Variants in ZNF132 observed in about 807,000 individuals in gnomAD.
The protein encoded by ZNF132 is zinc finger protein 132.
A neutral mutation model predicts 9.3 loss-of-function variants in ZNF132; 6 were observed. That is an observed-to-expected ratio of 0.65 (90% CI 0.35 to 1.28). ZNF132 has a LOEUF of 1.28. Among genes scored for constraint, ZNF132 ranks in the 50% most tolerant of loss-of-function variants. The probability of loss-of-function intolerance (pLI) is 0.03; values close to 1 mark genes in which losing one functional copy is unlikely to be tolerated. For missense variants in ZNF132, 877 were observed against 843.2 expected (o/e 1.04, Z -0.50); for synonymous variants, 296 against 292.0 (o/e 1.01, Z -0.14).
rs956290082 is a variant in ZNF132, at chr19:58,434,561, C to G, written c.883G>C (p.Glu295Gln). 2 of 1,613,988 alleles carry G rather than the reference C, an allele frequency of 1.2e-6. No homozygotes were observed. The highest frequency in any genetic ancestry group is 8.5e-7 in the Non-Finnish European group (1 of 1,179,976). The change falls in exon 3 of 3, where the codon GAG becomes CAG. Residue 295 changes from glutamate (E) to glutamine (Q), a missense_variant. Physicochemically the swap from Glu to Gln is conservative, Grantham distance 29. Coordinates refer to ENST00000254166, the MANE Select transcript of ZNF132 (RefSeq NM_003433.4). ...GAGTGACTAAAGGCCTTCCCACACT[C>G]CTTACACACATGGGGTATTTCCCCA... is the stretch of plus-strand genomic sequence containing the variant. ...HTGEIPHVCK[E>Q]CGKAFSHSSK...
At position 58,437,093 on chromosome 19, in the gene ZNF132, C is replaced by T. The variant is rs770228284; in HGVS notation, c.186G>A (p.Leu62=). The change falls in exon 2 of 3, where the codon CTG becomes CTA. Residue 62 remains leucine (L), a synonymous_variant. Coordinates refer to ENST00000254166, the MANE Select transcript of ZNF132 (RefSeq NM_003433.4). ...GGTTTTCCAGCATCACACTGTGGTACAGGTGCCTCTGGGCTGCATCAAGGA... is the reference window on the plus strand; with the variant it reads ...GGTTTTCCAGCATCACACTGTGGTATAGGTGCCTCTGGGCTGCATCAAGGA... ...WELLDAAQRH[L]YHSVMLENLE... 2.5e-6 allele frequency: 4 copies of T among 1,614,138 alleles called. No individual in the cohort carries two copies. The highest frequency in any genetic ancestry group is 1.7e-5 in the Admixed American group (1 of 60,014).
chr19:58,439,925 A>T lies in ZNF132; in HGVS notation c.-104T>A. On this transcript the variant is annotated 5_prime_UTR_variant, in exon 1 of 3. An upstream open reading frame in the 5' UTR gains an earlier in-frame stop. Transcript: ENST00000254166. ...GTCTTCCCAAATGCAAAATGCGCGC[A>T]AGGCCTCTGGGCACCGCAGGGACGA... 1.6e-6 allele frequency: 2 copies of T among 1,246,894 alleles called. No homozygotes were observed. Among genetic ancestry groups the T allele is most frequent in the South Asian group, 2.8e-5 (2 of 71,558 alleles). The allele number at this position is 1,246,894 out of a possible 1,614,324, so 77.2% of individuals were successfully genotyped here.
intron 1 of ZNF132, 96 bp from the exon 2 acceptor site, chr19:58,437,311 C>G (rs1417709559): frequency 5.8e-6 from 8 of 1,371,256 alleles, no homozygotes; most frequent in Non-Finnish European, 7.8e-6. Flanking sequence ...ATCTCTTTTT[C>G]TTATGATCCT....
chr19:58,434,387 C>T lies in ZNF132; in HGVS notation c.1057G>A (p.Gly353Arg). 1.2e-6 allele frequency: 2 copies of T among 1,614,250 alleles called. No individual in the cohort carries two copies. The highest frequency in any genetic ancestry group is 1.7e-6 in the Non-Finnish European group (2 of 1,180,050). ...TGTGATCTGTTACTGAAGGCTTTCC[C>T]ACATTCATCACACTCATAAGGTCTT... ...GERPYECDEC[G>R]KAFSNRSHLI... The change falls in exon 3 of 3, where the codon GGG becomes AGG. Residue 353 changes from glycine (G) to arginine (R), a missense_variant. By Grantham distance (125) the Gly-to-Arg change is moderately radical. Coordinates refer to ENST00000254166, the MANE Select transcript of ZNF132 (RefSeq NM_003433.4).
chr19:58,439,856 C>T lies in ZNF132; in HGVS notation c.-35G>A, dbSNP rs1292090063. 19 of 1,531,682 alleles carry T rather than the reference C, an allele frequency of 1.2e-5. No homozygotes were observed. Among genetic ancestry groups the T allele is most frequent in the Admixed American group, 4.2e-5 (2 of 47,312 alleles). The allele number at this position is 1,531,682 out of a possible 1,614,324, so 94.9% of individuals were successfully genotyped here. ...CCCAGGGCTAGCCCTGCCGCTGGGC[C>T]GAACCCTCACACTTCCGCTGGGTGA... On this transcript the variant is annotated 5_prime_UTR_variant, in exon 1 of 3. Transcript: ENST00000254166.
In ZNF132 at chr19:58,432,993, AC is replaced by A; in HGVS notation, c.*329del. On this transcript the variant is annotated 3_prime_UTR_variant, in exon 3 of 3. Coordinates refer to ENST00000254166, the MANE Select transcript of ZNF132 (RefSeq NM_003433.4). ...ATTAGATTTCCCTCAAGGCCCCTCAACCAGCATCGGTTCAGCTGAGCACAGT... is the reference window on the plus strand; with the variant it reads ...ATTAGATTTCCCTCAAGGCCCCTCAACAGCATCGGTTCAGCTGAGCACAGT... The A allele has an allele frequency of 6.2e-6, 2 of 321,498 alleles. No individual in the cohort carries two copies. The highest frequency in any genetic ancestry group is 1.1e-5 in the Non-Finnish European group (2 of 176,826). The allele number at this position is 321,498 out of a possible 1,614,324, so 19.9% of individuals were successfully genotyped here.
rs760026163 is a variant in ZNF132 at position 58,433,444 on chromosome 19, C to G, written c.2000G>C (p.Arg667Thr). 9.3e-6 allele frequency: 15 copies of G among 1,613,108 alleles called. 1 individual carries two copies. The highest frequency in any genetic ancestry group is 8.9e-5 in the East Asian group (4 of 44,846). Residue 667 changes from arginine to threonine, a missense_variant, in exon 3 of 3, where the codon AGA (arginine) becomes ACA (threonine). Coordinates refer to ENST00000254166, the MANE Select transcript of ZNF132 (RefSeq NM_003433.4). ...TTTCTGGTGCCGAACAAGTGTAGAT[C>G]TTTCACTAAAGGCTTTTCCACACTG... Reference protein sequence around the residue: ...CIQCGKAFSERSTLVRHQKVH... With the variant: ...CIQCGKAFSETSTLVRHQKVH...
At position 58,435,134 on chromosome 19, in the gene ZNF132, G is replaced by A. The variant is rs1311258846; in HGVS notation, c.310C>T (p.Pro104Ser). The change falls in exon 3 of 3, where the codon CCT becomes TCT. Residue 104 changes from proline to serine, a missense_variant. Pro to Ser is a moderately conservative substitution (Grantham distance 74). Coordinates refer to ENST00000254166, the MANE Select transcript of ZNF132 (RefSeq NM_003433.4). ...TTCTTGGTGGAAGGATCTGCATTAG[G>A]GATCCTGACCTGTAACACTTCTACA... ...VSVEVLQVRIPNADPSTKKAN... is the reference protein window; with the variant it reads ...VSVEVLQVRISNADPSTKKAN... 1 of 1,614,136 alleles carries A rather than the reference G, an allele frequency of 6.2e-7. No homozygotes were observed.
Position 58,439,989 on chromosome 19 carries a change from C to A in ZNF132, c.-168G>T. ...AGACCCTGGAGACGCGTGGCGCTGG[C>A]TCCACTTTCGGGAACACCTTGGCTC... On this transcript the variant is annotated 5_prime_UTR_variant, in exon 1 of 3. Transcript: ENST00000254166. The A allele has an allele frequency of 1.5e-6, 1 of 666,974 alleles. No individual in the cohort carries two copies. The highest frequency in any genetic ancestry group is 2.5e-6 in the Non-Finnish European group (1 of 399,196). The allele number at this position is 666,974 out of a possible 1,614,324, so 41.3% of individuals were successfully genotyped here. A position where few individuals can be genotyped will look rare whatever the true frequency, so the allele number is the denominator to read the frequency against.
rs199764677 is a variant in ZNF132 at position 58,433,326 on chromosome 19, G to A, written c.2118C>T (p.Thr706=). 2.2e-5 allele frequency: 36 copies of A among 1,610,546 alleles called. No homozygotes were observed. In the East Asian group the frequency reaches 7.4e-4, roughly 33 times the overall value. Residue 706 remains threonine (T), a synonymous_variant, in exon 3 of 3, where the codon ACC becomes ACT. Transcript: ENST00000254166. Reference sequence around the variant, plus strand: ...GACCACTTCCATAAGGCTCCACTCAGGTATGAATCTTTTTATGCTGTGCAA... The same window carrying A: ...GACCACTTCCATAAGGCTCCACTCAAGTATGAATCTTTTTATGCTGTGCAA... ...CNLAQHKKIH[T]
Position 58,437,046 on chromosome 19 carries a change from C to A in ZNF132, c.232+1G>T. On this transcript the variant is annotated splice_donor_variant, in intron 2 of 2. Coordinates refer to ENST00000254166, the MANE Select transcript of ZNF132 (RefSeq NM_003433.4). LOFTEE classifies it high-confidence loss of function. Reference sequence around the variant, plus strand: ...ATCACCATGCTGAGACAGGGCATTACCAAGTGAGGTCACAAGCTCAAGGTT... The same window carrying A: ...ATCACCATGCTGAGACAGGGCATTAACAAGTGAGGTCACAAGCTCAAGGTT... The A allele has an allele frequency of 6.2e-7, 1 of 1,614,126 alleles. No individual in the cohort carries two copies. Among genetic ancestry groups the A allele is most frequent in the Non-Finnish European group, 8.5e-7 (1 of 1,180,010 alleles).
Position 58,435,255 on chromosome 19 carries a change from G to T in ZNF132, c.233-44C>A, listed in dbSNP as rs773669237. On this transcript the variant is annotated intron_variant, in intron 2 of 2. Transcript: ENST00000254166. ...CAGTTAACTAAGAATTCCACTTGGT[G>T]GGAATGGTTGACTTCATTAGAAATG... is the stretch of plus-strand genomic sequence containing the variant. 1.2e-5 allele frequency: 19 copies of T among 1,569,924 alleles called. No individual in the cohort carries two copies. The South Asian group carries it at 2.2e-4, about 18-fold the overall frequency.
intron 1 of ZNF132, among the ~76,000 whole-genome samples, chr19:58,438,883 G>C (rs2052787286): frequency 6.6e-6 from 1 of 151,828 alleles, no homozygotes; most frequent in Non-Finnish European, 1.5e-5. Flanking sequence ...CAGTTCTTCT[G>C]CCTCAGTTTC....
intron 1 of ZNF132, chr19:58,437,647 T>C: frequency 3.3e-6 from 3 of 922,492 alleles, no homozygotes; most frequent in Non-Finnish European, 3.9e-6. Context: ...CCTCAGACCA[T>C]ACAGTTCTTA....
intron 2 of ZNF132, 125 bp from the exon 3 acceptor site, chr19:58,435,336 G>C: frequency 1.8e-6 from 2 of 1,104,566 alleles, no homozygotes; most frequent in Non-Finnish European, 2.5e-6. Flanking sequence ...CAGGCCAACA[G>C]GGCCATCATC....
chr19:58,436,667 CAAAAA>C (rs56078209), intron 2 of ZNF132, among the ~76,000 whole-genome samples: 8 of 65,550 alleles, frequency 1.2e-4, no homozygotes, highest in African/African-American at 4.7e-4. Flanking sequence ...GACTCCATCT[CAAAAA>C]AAAAAAAAAA....
In ZNF132 at chr19:58,432,997, G is replaced by T; in HGVS notation, c.*326C>A. The stretch of plus-strand genomic sequence containing the variant: ...GATTTCCCTCAAGGCCCCTCAACCA[G>T]CATCGGTTCAGCTGAGCACAGTCCT... On this transcript the variant is annotated 3_prime_UTR_variant, in exon 3 of 3. Transcript: ENST00000254166. 1 of 207,174 alleles carries T rather than the reference G, an allele frequency of 4.8e-6. No homozygotes were observed. The highest frequency in any genetic ancestry group is 9.6e-6 in the Non-Finnish European group (1 of 104,278). 12.8% of individuals were successfully genotyped at this position (207,174 alleles called of 1,614,324 possible). A position where few individuals can be genotyped will look rare whatever the true frequency, so the allele number is the denominator to read the frequency against.
At position 58,434,712 on chromosome 19, in the gene ZNF132, G is replaced by A. The variant is rs1287832938; in HGVS notation, c.732C>T (p.Ala244=). Reference sequence around the variant, plus strand: ...TGGGGAGAGTGGAGCTCTTCAGGAAGGCTTTTCCACAGTTGCTGCACTCGA... The same window carrying A: ...TGGGGAGAGTGGAGCTCTTCAGGAAAGCTTTTCCACAGTTGCTGCACTCGA... The part of the protein sequence containing the change: ...KLFECSNCGK[A]FLKSSTLPNH... Residue 244 remains alanine (A), a synonymous_variant, in exon 3 of 3, where the codon GCC becomes GCT. Transcript: ENST00000254166. The A allele has an allele frequency of 1.2e-6, 2 of 1,614,216 alleles. No individual in the cohort carries two copies. Among genetic ancestry groups the A allele is most frequent in the Non-Finnish European group, 1.7e-6 (2 of 1,180,040 alleles).
At chr19:58,437,977 C>T (rs1221316688) in intron 1 of ZNF132, among the ~76,000 whole-genome samples, 2 of 152,150 alleles carry the variant, frequency 1.3e-5, no homozygotes. Flanking sequence ...ATCCAAGATC[C>T]ACTGGCCCCC....
Sources: gnomAD v4.1 joint callset for allele counts (sites outside exome capture counted in the v4.1 genomes callset) on GRCh38, gnomAD v4.1.1 for gene constraint, MANE v1.5 for transcripts, NCBI Gene and HGNC (gene_info 2026-07-23, HGNC 2026-07-21) for gene names.